Variants in MEF2C observed in about 807,000 individuals in gnomAD.
MEF2C encodes the protein myocyte enhancer factor 2C, also known as myocyte-specific enhancer factor 2C.
In MEF2C, 6 loss-of-function variants were observed where a neutral mutation model predicts 50.5. That is an observed-to-expected ratio of 0.12 (90% confidence interval 0.07 to 0.23). MEF2C has a LOEUF of 0.23. MEF2C is among the 10% of genes least tolerant of loss of function. MEF2C has a pLI of 1.00. For missense variants in MEF2C, 276 were observed against 605.0 expected (o/e 0.46, Z 5.70); for synonymous variants, 183 against 228.0 (o/e 0.80, Z 1.78).
chr5:88,798,084 C>G (rs1796752140), intron 3 of MEF2C, among the ~76,000 whole-genome samples: 1 of 152,074 alleles, frequency 6.6e-6, no homozygotes, highest in Non-Finnish European at 1.5e-5. Context: ...AATATTTTTT[C>G]CTTCATTCCA....
rs1834703097 is a variant in MEF2C at position 88,892,537 on chromosome 5, T to C, written c.-239-4939A>G. Among the ~76,000 whole-genome samples, 4 of 152,304 alleles carry C rather than the reference T, an allele frequency of 2.6e-5. No homozygotes were observed. The South Asian group carries it at 8.3e-4, about 32-fold the overall frequency. On this transcript the variant is annotated intron_variant, in intron 1 of 11. Transcript: ENST00000340208. The stretch of plus-strand genomic sequence containing the variant: ...GGTTATCACAGCAGAAAGAAGTAGG[T>C]CATCCGAGAGGTGGGAATTGGTTCA...
chr5:88,772,948 T>C (rs930956053), intron 3 of MEF2C: 6 of 974,422 alleles, frequency 6.2e-6, no homozygotes, highest in African/African-American at 1.8e-5. Flanking sequence ...GAGACTGCCA[T>C]TGACAACTGT....
At chr5:88,841,017 A>G (rs1233454778) in intron 1 of MEF2C, among the ~76,000 whole-genome samples, 1 of 152,172 alleles carries the variant, frequency 6.6e-6, no homozygotes, top group Non-Finnish European at 1.5e-5. Flanking sequence ...TAAATAACAC[A>G]TGGATTTCAT....
chr5:88,834,429 T>C (rs1479790413), intron 1 of MEF2C, among the ~76,000 whole-genome samples: 3 of 152,060 alleles, frequency 2.0e-5, no homozygotes, highest in Non-Finnish European at 2.9e-5. Context: ...AGACATGAAG[T>C]TGTCAAGCAT....
intron 6 of MEF2C, chr5:88,734,441 T>C (rs1425950750): frequency 5.1e-6 from 5 of 985,150 alleles, no homozygotes; most frequent in South Asian, 4.7e-5. Flanking sequence ...CTGGTTTGCA[T>C]GGAGGAGTTA....
chr5:88,754,250 C>G (rs552345840), intron 4 of MEF2C, among the ~76,000 whole-genome samples: 1 of 152,226 alleles, frequency 6.6e-6, no homozygotes, highest in Non-Finnish European at 1.5e-5. Context: ...CTGCGTTTCT[C>G]TAGCGAAGAC....
At chr5:88,891,182 G>A (rs999952449) in intron 1 of MEF2C, among the ~76,000 whole-genome samples, 1 of 152,160 alleles carries the variant, frequency 6.6e-6, no homozygotes, top group African/African-American at 2.4e-5. Context: ...GGATAACACT[G>A]TGCTTCATTC....
chr5:88,900,467 A>G (rs1021655524), intron 1 of MEF2C, among the ~76,000 whole-genome samples: 2 of 151,820 alleles, frequency 1.3e-5, no homozygotes, highest in African/African-American at 4.8e-5. Context: ...TTCTAAATAT[A>G]TGTATTACCT....
chr5:88,854,279 G>C (rs1190939476), intron 1 of MEF2C, among the ~76,000 whole-genome samples: 3 of 152,192 alleles, frequency 2.0e-5, no homozygotes, highest in Non-Finnish European at 1.5e-5. Context: ...CAGTCAGGTA[G>C]TATAGCAGAT....
Position 88,728,595 on chromosome 5 carries a change from A to T in MEF2C, c.998T>A (p.Leu333Gln). The change falls in exon 10 of 11, where the codon CTG (leucine) becomes CAG (glutamine). Residue 333 changes from leucine (L) to glutamine (Q), a missense_variant. This residue lies in a region of MEF2C where 256 missense variants were observed against 468.1 expected (regional missense o/e 0.55). Coordinates refer to ENST00000504921, the MANE Select transcript of MEF2C (RefSeq NM_002397.5). The part of the protein sequence containing the change: ...YSLSSADLSS[L>Q]SGFNTASALH... Reference sequence around the variant, plus strand: ...AGCGCTGGCGGTGTTAAACCCAGACAGAGATGACAGGTCTGCACTACTCAG... The same window carrying T: ...AGCGCTGGCGGTGTTAAACCCAGACTGAGATGACAGGTCTGCACTACTCAG... 6.5e-7 allele frequency: 1 copy of T among 1,530,454 alleles called. No individual in the cohort carries two copies. The highest frequency in any genetic ancestry group is 8.8e-7 in the Non-Finnish European group (1 of 1,135,142). 94.8% of individuals were successfully genotyped at this position (1,530,454 alleles called of 1,614,324 possible).
chr5:88,723,052 G>GGA, intron 10 of MEF2C, 127 bp from the exon 11 acceptor site: 1 of 850,564 alleles, frequency 1.2e-6, no homozygotes, highest in East Asian at 2.7e-5. Flanking sequence ...TGAAGAAAAC[G>GGA]TGCTTGGAAG....
intron 6 of MEF2C, chr5:88,734,594 T>TAAA: frequency 4.1e-6 from 3 of 732,442 alleles, no homozygotes; most frequent in Non-Finnish European, 4.8e-6. Flanking sequence ...TTTTTTTTTT[T>TAAA]TTTTAGCATT....
chr5:88,866,485 G>A lies in MEF2C; in HGVS notation c.-143+16470C>T, dbSNP rs186636942. 2.6e-3 allele frequency among the ~76,000 whole-genome samples: 402 copies of A among 152,108 alleles called. 2 individuals carry two copies. Among genetic ancestry groups the A allele is most frequent in the African/African-American group, 9.1e-3 (377 of 41,486 alleles). On this transcript the variant is annotated intron_variant, in intron 1 of 10. Transcript: ENST00000504921. ...TGTCCTCACTTCTAGTCAGCAGTAC[G>A]GCAATACTTTTATGAAAAAACAAGG...
At chr5:88,772,918 G>A (rs1291921642) in intron 3 of MEF2C, 1 of 985,312 alleles carries the variant, frequency 1.0e-6, no homozygotes. Context: ...TTTTGCCTGA[G>A]CTTGTGATAT....
chr5:88,746,441 CTTTT>C, intron 6 of MEF2C: 4 of 685,864 alleles, frequency 5.8e-6, no homozygotes, highest in Non-Finnish European at 7.0e-6. Flanking sequence ...CTCCCTCTCA[CTTTT>C]TTTTTTTTTT....
intron 2 of MEF2C, among the ~76,000 whole-genome samples, chr5:88,807,783 G>A (rs1801143147): frequency 6.6e-6 from 1 of 152,138 alleles, no homozygotes. Context: ...GCTATTTGAA[G>A]ATGTTATTAT....
intron 1 of MEF2C, among the ~76,000 whole-genome samples, chr5:88,857,304 T>A (rs1823787391): frequency 6.6e-6 from 1 of 152,208 alleles, no homozygotes; most frequent in Non-Finnish European, 1.5e-5. Context: ...CCATTGTATC[T>A]AGGAAGTAAC....
intron 1 of MEF2C, among the ~76,000 whole-genome samples, chr5:88,829,779 C>T (rs865930425): frequency 1.1e-4 from 16 of 151,936 alleles, no homozygotes; most frequent in East Asian, 3.9e-4. Context: ...GGTACTTGGA[C>T]GCTGTGTGAC....
intron 1 of MEF2C, among the ~76,000 whole-genome samples, chr5:88,859,498 G>T (rs1050150196): frequency 6.6e-6 from 1 of 152,186 alleles, no homozygotes; most frequent in African/African-American, 2.4e-5. Context: ...GGAGAATGCC[G>T]TTTCACATAT....
Sources: gnomAD v4.1 joint callset for allele counts (sites outside exome capture counted in the v4.1 genomes callset) on GRCh38, gnomAD v4.1.1 for gene constraint, gnomAD v4.1.1 regional missense constraint, MANE v1.5 for transcripts, NCBI Gene and HGNC (gene_info 2026-07-23, HGNC 2026-07-21) for gene names.